ADCY5: variants seen among roughly 807,000 people sequenced by gnomAD.
The protein encoded by ADCY5 is adenylate cyclase 5.
A neutral mutation model predicts 119.7 loss-of-function variants in ADCY5; 30 were observed. The observed-to-expected ratio is 0.25, with a 90% CI of 0.19 to 0.34. The LOEUF (loss-of-function observed/expected upper bound fraction) is 0.34. Ranked by LOEUF, ADCY5 falls within the 10% of genes least tolerant of loss-of-function variation. The pLI, the probability that ADCY5 is intolerant of heterozygous loss-of-function variation, is 1.00. For synonymous variants in ADCY5, 753 were observed against 762.2 expected (o/e 0.99, Z 0.20); for missense variants, 1,324 against 1,775.2 (o/e 0.75, Z 4.57).
chr3:123,345,147 G>C (rs1014596875), intron 3 of ADCY5, among the ~76,000 whole-genome samples: 5 of 152,228 alleles, frequency 3.3e-5, no homozygotes, highest in African/African-American at 4.8e-5. Context: ...CACCGTAGAA[G>C]AGGCCTGAGT....
chr3:123,283,831 AC>A lies in ADCY5; in HGVS notation c.*776del. ...CTTTCAATAATACAAAATAAAAAAT[AC>A]AAAAAAGACAAGTGGGGATCCCCGC... On this transcript the variant is annotated 3_prime_UTR_variant, in exon 21 of 21. Coordinates refer to ENST00000462833, the MANE Select transcript of ADCY5 (RefSeq NM_183357.3). 1 of 152,228 alleles carries A rather than the reference AC, an allele frequency of 6.6e-6. No homozygotes were observed. Among genetic ancestry groups the A allele is most frequent in the Non-Finnish European group, 1.5e-5 (1 of 68,058 alleles). 9.4% of individuals were successfully genotyped at this position (152,228 alleles called of 1,614,324 possible). A position where few individuals can be genotyped will look rare whatever the true frequency, so the allele number is the denominator to read the frequency against.
intron 1 of ADCY5, chr3:123,367,981 G>A: frequency 6.6e-7 from 1 of 1,522,406 alleles, no homozygotes. Flanking sequence ...CACTACACAG[G>A]CTGCCCTGTG....
intron 12 of ADCY5, among the ~76,000 whole-genome samples, chr3:123,308,078 G>C (rs1940304911): frequency 7.7e-6 from 1 of 129,254 alleles, no homozygotes; most frequent in East Asian, 2.2e-4. Context: ...CTGTCGCCCA[G>C]GCTGGAGTGC....
intron 1 of ADCY5, among the ~76,000 whole-genome samples, chr3:123,362,606 T>C (rs1355945079): frequency 6.6e-6 from 1 of 152,180 alleles, no homozygotes; most frequent in African/African-American, 2.4e-5. Context: ...CAAACACTGA[T>C]TGAGTGCCTA....
intron 8 of ADCY5, among the ~76,000 whole-genome samples, 159 bp downstream of exon 8, chr3:123,325,163 T>C (rs1941419160): frequency 6.6e-6 from 1 of 152,220 alleles, no homozygotes. Flanking sequence ...GCAGGTGCCC[T>C]ACTCCTAGTC....
intron 1 of ADCY5, among the ~76,000 whole-genome samples, chr3:123,429,525 C>G (rs1294415912): frequency 6.6e-6 from 1 of 152,108 alleles, no homozygotes; most frequent in East Asian, 1.9e-4. Flanking sequence ...ACCCACCCAC[C>G]CCCACCTGCC....
intron 7 of ADCY5, among the ~76,000 whole-genome samples, chr3:123,326,056 G>A (rs935576376): frequency 6.6e-6 from 1 of 152,236 alleles, no homozygotes; most frequent in African/African-American, 2.4e-5. Flanking sequence ...GGTGGGGCCT[G>A]ATCTGAAGTT....
In ADCY5 at chr3:123,300,547, G is replaced by A. The variant is rs577156746; in HGVS notation, c.2725-252C>T. Among the ~76,000 whole-genome samples the A allele has an allele frequency of 6.6e-5, 10 of 152,336 alleles. No individual in the cohort carries two copies. In the East Asian group the frequency reaches 1.9e-3, roughly 29 times the overall value. On this transcript the variant is annotated intron_variant, in intron 14 of 20. Transcript: ENST00000462833. ...TACAGCTGCGCTGCAGGCCCAGGCT[G>A]CCCTGGGTTTCAGGCCTGATCCACA...
intron 1 of ADCY5, among the ~76,000 whole-genome samples, chr3:123,441,236 C>A (rs910265817): frequency 6.6e-6 from 1 of 152,184 alleles, no homozygotes. Flanking sequence ...CTACCCTAGA[C>A]CTTTGGAAGT....
chr3:123,402,326 G>A (rs1300730706), intron 1 of ADCY5, among the ~76,000 whole-genome samples: 1 of 152,266 alleles, frequency 6.6e-6, no homozygotes, highest in Non-Finnish European at 1.5e-5. Context: ...AGCAGACCCA[G>A]AGGTGGAATG....
intron 1 of ADCY5, chr3:123,367,865 C>T (rs1943502288): frequency 1.3e-6 from 2 of 1,524,068 alleles, no homozygotes; most frequent in East Asian, 4.9e-5. Context: ...AAAAAAAACA[C>T]CAAAGAGAAA....
chr3:123,295,743 G>T (rs371077674), intron 17 of ADCY5, among the ~76,000 whole-genome samples: 2 of 152,020 alleles, frequency 1.3e-5, no homozygotes, highest in African/African-American at 4.8e-5. Flanking sequence ...GGACCTGCCC[G>T]CACCTCCCCT....
chr3:123,323,435 C>G (rs1017493443), intron 8 of ADCY5, among the ~76,000 whole-genome samples: 7 of 152,112 alleles, frequency 4.6e-5, no homozygotes, highest in Non-Finnish European at 7.4e-5. Flanking sequence ...AAATAACTTT[C>G]CAAGGATTCT....
At chr3:123,388,051 G>C (rs1944283382) in intron 1 of ADCY5, among the ~76,000 whole-genome samples, 1 of 152,224 alleles carries the variant, frequency 6.6e-6, no homozygotes, top group African/African-American at 2.4e-5. Flanking sequence ...CTTGGCAGAA[G>C]AGAACAGCTG....
chr3:123,320,486 C>A (rs1404831911), intron 9 of ADCY5, among the ~76,000 whole-genome samples: 1 of 152,250 alleles, frequency 6.6e-6, no homozygotes, highest in Admixed American at 6.5e-5. Flanking sequence ...CATGTGTGCA[C>A]ACGTGCACAA....
At chr3:123,386,775 C>CAGGA (rs1944238933) in intron 1 of ADCY5, among the ~76,000 whole-genome samples, 2 of 152,158 alleles carry the variant, frequency 1.3e-5, no homozygotes, top group Admixed American at 1.3e-4. Context: ...ACGCTGCCTG[C>CAGGA]CAGCGCCCCC....
chr3:123,396,138 AAAG>A (rs1046678140), intron 1 of ADCY5, among the ~76,000 whole-genome samples: 4 of 132,508 alleles, frequency 3.0e-5, no homozygotes, highest in Non-Finnish European at 6.5e-5. Context: ...GAGAGGGAAA[AAAG>A]AAGAGAAAAG....
intron 1 of ADCY5, among the ~76,000 whole-genome samples, chr3:123,401,696 G>A (rs968804494): frequency 6.6e-6 from 1 of 152,174 alleles, no homozygotes; most frequent in Non-Finnish European, 1.5e-5. Context: ...TCCCTGGTCA[G>A]CATTCTTCAT....
chr3:123,296,885 G>C, intron 16 of ADCY5: 1 of 1,038,864 alleles, frequency 9.6e-7, no homozygotes, highest in East Asian at 2.6e-5. Flanking sequence ...CTCAACCCCT[G>C]GAAGGCTGCA....
Sources: gnomAD v4.1 joint callset for allele counts (sites outside exome capture counted in the v4.1 genomes callset) on GRCh38, gnomAD v4.1.1 for gene constraint, MANE v1.5 for transcripts, NCBI Gene and HGNC (gene_info 2026-07-23, HGNC 2026-07-21) for gene names.